The following HCRTR2 variants were observed in gnomAD, a reference collection of about 807,000 sequenced individuals.
HCRTR2 encodes the protein orexin receptor type 2.
Under a neutral mutation model 49.0 loss-of-function variants are expected in HCRTR2, and 22 were observed. That is an observed-to-expected ratio of 0.45 (90% CI 0.32 to 0.64). The LOEUF (loss-of-function observed/expected upper bound fraction) is 0.64. Among genes scored for constraint, HCRTR2 ranks in the 30% least tolerant of loss-of-function variants. HCRTR2 has a pLI of 0.04. For missense variants in HCRTR2, 491 were observed against 559.4 expected, an observed-to-expected ratio of 0.88 and a Z score of 1.23; for synonymous variants, 236 against 205.3, an observed-to-expected ratio of 1.15 and a Z score of -1.28.
chr6:55,232,008 C>T (rs1366717274), intron 1 of HCRTR2, among the ~76,000 whole-genome samples: 1 of 152,134 alleles, frequency 6.6e-6, no homozygotes, highest in Non-Finnish European at 1.5e-5. Context: ...TTCTACAGAA[C>T]AGATGTGTCC....
At position 55,162,633 on chromosome 6, in the gene HCRTR2, A is replaced by AGCAAAGTCTCAGGAT. The variant is rs1292773265; in HGVS notation, c.-377-11577_-377-11563dup. 3.9e-5 allele frequency among the ~76,000 whole-genome samples: 6 copies of AGCAAAGTCTCAGGAT among 152,346 alleles called. No individual in the cohort carries two copies. In the South Asian group the frequency reaches 6.2e-4, roughly 16 times the overall value. Reference sequence around the variant, plus strand: ...TCTCCTTAAGCTGATAAGCAACTTCAGCAAAGTCTCAGGATACAAAATCAA... The same window carrying AGCAAAGTCTCAGGAT: ...TCTCCTTAAGCTGATAAGCAACTTCAGCAAAGTCTCAGGATGCAAAGTCTCAGGATACAAAATCAA... On this transcript the variant is annotated intron_variant, in intron 1 of 7. Transcript: ENST00000615358.
At chr6:55,166,457 T>G (rs377397381) in intron 1 of HCRTR2, among the ~76,000 whole-genome samples, 2 of 152,034 alleles carry the variant, frequency 1.3e-5, no homozygotes, top group Non-Finnish European at 2.9e-5. Flanking sequence ...CATCCAGTTC[T>G]GGGCTTTTCT....
At position 55,252,501 on chromosome 6, in the gene HCRTR2, C is replaced by T. The variant is rs183939717; in HGVS notation, c.403-2635C>T. On this transcript the variant is annotated intron_variant, in intron 2 of 6. Transcript: ENST00000370862. Reference sequence around the variant, plus strand: ...CAGAAGCTATGAAAAGGCGACTGTGCGAATCTATACAACCATAGTTCTATT... The same window carrying T: ...CAGAAGCTATGAAAAGGCGACTGTGTGAATCTATACAACCATAGTTCTATT... Among the ~76,000 whole-genome samples the T allele has an allele frequency of 6.2e-3, 942 of 152,066 alleles. 10 individuals are homozygous for T. The highest frequency in any genetic ancestry group is 0.022 in the African/African-American group (894 of 41,468).
At chr6:55,247,861 T>C (rs1766475740) in intron 1 of HCRTR2, among the ~76,000 whole-genome samples, 1 of 152,054 alleles carries the variant, frequency 6.6e-6, no homozygotes, top group Non-Finnish European at 1.5e-5. Context: ...GGAGACAAAA[T>C]TGAGAGTCTG....
chr6:55,107,501 A>G (rs1581775766), intron 1 of HCRTR2, among the ~76,000 whole-genome samples: 1 of 152,094 alleles, frequency 6.6e-6, no homozygotes, highest in Non-Finnish European at 1.5e-5. Flanking sequence ...CTATACAAAT[A>G]TATGTATTTC....
intron 1 of HCRTR2, among the ~76,000 whole-genome samples, chr6:55,167,259 C>T (rs1294051983): frequency 1.3e-5 from 2 of 152,110 alleles, no homozygotes; most frequent in Admixed American, 6.6e-5. Context: ...TGCAGTTTAG[C>T]GATTGCATTT....
At chr6:55,274,654 T>C (rs1016583295) in intron 4 of HCRTR2, among the ~76,000 whole-genome samples, 2 of 152,066 alleles carry the variant, frequency 1.3e-5, no homozygotes, top group Admixed American at 1.3e-4. Context: ...GACTTGATTT[T>C]TTGAGTGGTA....
At chr6:55,110,169 A>C (rs1019420990) in intron 1 of HCRTR2, among the ~76,000 whole-genome samples, 1 of 152,148 alleles carries the variant, frequency 6.6e-6, no homozygotes, top group African/African-American at 2.4e-5. Flanking sequence ...ATAAATGCTG[A>C]GAGAATTCGC....
At chr6:55,174,930 G>T (rs1765012865) in intron 1 of HCRTR2, 120 bp downstream of exon 1, 1 of 723,850 alleles carries the variant, frequency 1.4e-6, no homozygotes, top group African/African-American at 1.8e-5. Context: ...CGCTGCTCTC[G>T]GATGGGGTTT....
chr6:55,113,341 C>A (rs906124715), intron 1 of HCRTR2, among the ~76,000 whole-genome samples: 2 of 152,144 alleles, frequency 1.3e-5, no homozygotes, highest in Non-Finnish European at 2.9e-5. Flanking sequence ...AGTGAACAGA[C>A]AACCCACAGA....
At chr6:55,222,080 T>A (rs1384960438) in intron 1 of HCRTR2, among the ~76,000 whole-genome samples, 1 of 152,026 alleles carries the variant, frequency 6.6e-6, no homozygotes, top group Non-Finnish European at 1.5e-5. Flanking sequence ...GGGTTAGTAT[T>A]CAAAATATAT....
intron 1 of HCRTR2, among the ~76,000 whole-genome samples, chr6:55,208,324 A>AAT (rs1562007260): frequency 7.1e-6 from 1 of 140,416 alleles, no homozygotes; most frequent in African/African-American, 2.7e-5. Flanking sequence ...AAAAATAAAA[A>AAT]AATAAAAAAA....
intron 4 of HCRTR2, among the ~76,000 whole-genome samples, chr6:55,275,510 A>G (rs1401607724): frequency 6.6e-6 from 1 of 152,074 alleles, no homozygotes; most frequent in African/African-American, 2.4e-5. Flanking sequence ...AGGATTCAGC[A>G]TCTTCTATCC....
intron 1 of HCRTR2, among the ~76,000 whole-genome samples, chr6:55,227,255 G>A (rs1766026582): frequency 6.6e-6 from 1 of 152,072 alleles, no homozygotes; most frequent in African/African-American, 2.4e-5. Flanking sequence ...TTGAGAATTA[G>A]TCATGGAGAT....
chr6:55,177,078 TG>T (rs758251817), intron 1 of HCRTR2, among the ~76,000 whole-genome samples: 1 of 152,152 alleles, frequency 6.6e-6, no homozygotes, highest in African/African-American at 2.4e-5. Context: ...TTTGCTAGCC[TG>T]GGGAGTTTTA....
chr6:55,107,037 C>T (rs1055495359), intron 1 of HCRTR2, among the ~76,000 whole-genome samples: 3 of 152,090 alleles, frequency 2.0e-5, no homozygotes, highest in African/African-American at 7.2e-5. Flanking sequence ...TCTTTCTTTT[C>T]AAGGTGATTC....
chr6:55,202,960 C>T (rs930746667), intron 1 of HCRTR2, among the ~76,000 whole-genome samples: 6 of 152,140 alleles, frequency 3.9e-5, no homozygotes, highest in Non-Finnish European at 8.8e-5. Context: ...ATATTTGGTT[C>T]CACATCAAAG....
intron 1 of HCRTR2, among the ~76,000 whole-genome samples, chr6:55,155,703 G>C (rs564624092): frequency 6.6e-6 from 1 of 151,984 alleles, no homozygotes; most frequent in East Asian, 1.9e-4. Flanking sequence ...AAACATTATA[G>C]AAAAAAAGTT....
At chr6:55,136,528 C>T (rs964282457) in intron 1 of HCRTR2, among the ~76,000 whole-genome samples, 1 of 152,126 alleles carries the variant, frequency 6.6e-6, no homozygotes, top group Admixed American at 6.5e-5. Context: ...ATATAAATTA[C>T]AGAATAACTC....
Sources: gnomAD v4.1 joint callset for allele counts (sites outside exome capture counted in the v4.1 genomes callset) on GRCh38, gnomAD v4.1.1 for gene constraint, MANE v1.5 for transcripts, NCBI Gene and HGNC (gene_info 2026-07-23, HGNC 2026-07-21) for gene names.